COL21A1: variants seen among roughly 807,000 people sequenced by gnomAD.
COL21A1 encodes collagen type XXI alpha 1 chain, also known as collagen alpha-1(XXI) chain.
Under a neutral mutation model 137.9 loss-of-function variants are expected in COL21A1, and 149 were observed. The observed-to-expected ratio is 1.08, with a 90% CI of 0.95 to 1.24. The LOEUF is 1.24. Ranked by LOEUF, COL21A1 falls within the 50% of genes most tolerant of loss-of-function variation. The probability of loss-of-function intolerance (pLI) is 0.00; values close to 1 mark genes in which losing one functional copy is unlikely to be tolerated. For missense variants in COL21A1, 1,167 were observed against 1,158.4 expected (o/e 1.01, Z -0.11); for synonymous variants, 456 against 391.5 (o/e 1.16, Z -1.95).
intron 1 of COL21A1, among the ~76,000 whole-genome samples, chr6:56,342,954 T>C (rs1169789011): frequency 1.3e-5 from 2 of 152,224 alleles, no homozygotes; most frequent in Non-Finnish European, 2.9e-5. Context: ...TCCTGTTACT[T>C]GGTACTGTGG....
intron 17 of COL21A1, among the ~76,000 whole-genome samples, chr6:56,097,850 T>A (rs1336567838): frequency 1.0e-5 from 1 of 98,422 alleles, no homozygotes; most frequent in Non-Finnish European, 1.9e-5. Flanking sequence ...TATATAAATA[T>A]ATATAAATAT....
intron 16 of COL21A1, among the ~76,000 whole-genome samples, chr6:56,111,023 T>G (rs1174619626): frequency 6.6e-6 from 1 of 151,954 alleles, no homozygotes. Context: ...GATGAAAAAG[T>G]AGTAAGAAAG....
intron 1 of COL21A1, among the ~76,000 whole-genome samples, chr6:56,387,084 T>A (rs1362956838): frequency 6.6e-6 from 1 of 152,220 alleles, no homozygotes; most frequent in Admixed American, 6.5e-5. Flanking sequence ...TCCTTAAAAC[T>A]GATGTTGCAT....
In COL21A1 at chr6:56,260,625, GAGGAAGGA is replaced by G. The variant is rs201224962; in HGVS notation, c.-38-77977_-38-77970del. The stretch of plus-strand genomic sequence containing the variant: ...GAAGAAGAAGAAAGAAAGAGAGAGA[GAGGAAGGA>G]AGGAAGGAAGGAAGGAAGGAAGGAA... On this transcript the variant is annotated intron_variant, in intron 1 of 28. Coordinates refer to the COL21A1 transcript ENST00000370819. 4.6e-3 allele frequency among the ~76,000 whole-genome samples: 368 copies of G among 79,912 alleles called. 1 individual carries two copies. The highest frequency in any genetic ancestry group is 7.2e-3 in the Non-Finnish European group (274 of 37,994). The allele number at this position is 79,912 out of a possible 152,430, so 52.4% of individuals were successfully genotyped here. A position where few individuals can be genotyped will look rare whatever the true frequency, so the allele number is the denominator to read the frequency against.
intron 13 of COL21A1, among the ~76,000 whole-genome samples, 169 bp downstream of exon 13, chr6:56,125,914 TGGAAACTTTAAAG>T (rs1369428090): frequency 2.6e-5 from 4 of 152,032 alleles, no homozygotes; most frequent in African/African-American, 9.7e-5. Flanking sequence ...TATTTATAAC[TGGAAACTTTAAAG>T]GGAATTTTGT....
Position 56,126,192 on chromosome 6 carries a change from A to G in COL21A1, c.1543-43T>C, listed in dbSNP as rs1020783557. The G allele has an allele frequency of 3.1e-6, 4 of 1,280,670 alleles. No homozygotes were observed. In the South Asian group the frequency reaches 5.2e-5, roughly 17 times the overall value. 79.3% of individuals were successfully genotyped at this position (1,280,670 alleles called of 1,614,324 possible). On this transcript the variant is annotated intron_variant, in intron 12 of 29. Transcript: ENST00000244728. The stretch of plus-strand genomic sequence containing the variant: ...ATTAATTACAAAGAAAAACCATTCC[A>G]GCCTAAACAATATCATCATCTATTC...
At chr6:56,366,763 G>A (rs1026606193) in intron 1 of COL21A1, among the ~76,000 whole-genome samples, 1 of 152,262 alleles carries the variant, frequency 6.6e-6, no homozygotes, top group East Asian at 1.9e-4. Context: ...ACACTTCCAC[G>A]AGTGGAAAAC....
In COL21A1 at chr6:56,177,784, T is replaced by A. The variant is rs556505347; in HGVS notation, c.640+1794A>T. On this transcript the variant is annotated intron_variant, in intron 3 of 29. Coordinates refer to ENST00000244728, the MANE Select transcript of COL21A1 (RefSeq NM_030820.4). ...TCCAGCCTGGGTGACAGAGCGAGAC[T>A]CTGCCTCAAAAAAAAAAAAAAAAAA... is the stretch of plus-strand genomic sequence containing the variant. Among the ~76,000 whole-genome samples the A allele has an allele frequency of 1.7e-3, 196 of 114,836 alleles. 2 individuals carry two copies. Among genetic ancestry groups the A allele is most frequent in the African/African-American group, 7.0e-3 (189 of 27,116 alleles). 75.3% of individuals were successfully genotyped at this position (114,836 alleles called of 152,430 possible). A position where few individuals can be genotyped will look rare whatever the true frequency, so the allele number is the denominator to read the frequency against.
intron 1 of COL21A1, among the ~76,000 whole-genome samples, chr6:56,373,311 A>G (rs1369929345): frequency 6.6e-6 from 1 of 152,236 alleles, no homozygotes. Context: ...TTTTATTTAA[A>G]AATGTTTAGG....
Position 56,096,366 on chromosome 6 carries a change from T to C in COL21A1, c.1812+5106A>G, listed in dbSNP as rs532200653. The stretch of plus-strand genomic sequence containing the variant: ...AATTAGTACAATGTCTGGCACAAAG[T>C]AGACACTCAGTAAATACTGCTGAAT... On this transcript the variant is annotated intron_variant, in intron 17 of 29. Coordinates refer to ENST00000244728, the MANE Select transcript of COL21A1 (RefSeq NM_030820.4). 3.9e-5 allele frequency among the ~76,000 whole-genome samples: 6 copies of C among 152,304 alleles called. No homozygotes were observed. The South Asian group carries it at 1.0e-3, about 26-fold the overall frequency.
intron 1 of COL21A1, among the ~76,000 whole-genome samples, chr6:56,297,113 A>G (rs1429108548): frequency 6.6e-6 from 1 of 152,026 alleles, no homozygotes; most frequent in Non-Finnish European, 1.5e-5. Flanking sequence ...ACTGAGCCCA[A>G]ACATTTTTTA....
intron 9 of COL21A1, among the ~76,000 whole-genome samples, chr6:56,163,680 G>C (rs971402599): frequency 4.7e-5 from 7 of 148,644 alleles, no homozygotes; most frequent in African/African-American, 1.8e-4. Context: ...CTGCACTCCA[G>C]CTGGCGATAG....
At chr6:56,166,883 A>C (rs1376833699) in intron 7 of COL21A1, 23 bp downstream of exon 7, 1 of 1,591,252 alleles carries the variant, frequency 6.3e-7, no homozygotes, top group Admixed American at 1.7e-5. Flanking sequence ...ACATCTGGGA[A>C]AAAAACAATC....
At chr6:56,079,297 A>G (rs911486660) in intron 17 of COL21A1, among the ~76,000 whole-genome samples, 9 of 151,740 alleles carry the variant, frequency 5.9e-5, no homozygotes, top group African/African-American at 2.2e-4. Context: ...CAGAGTCCCT[A>G]ACGGGCACAT....
chr6:56,219,281 A>G (rs1394008751), intron 1 of COL21A1, among the ~76,000 whole-genome samples: 1 of 148,506 alleles, frequency 6.7e-6, no homozygotes, highest in Non-Finnish European at 1.5e-5. Flanking sequence ...GGTCTAATCC[A>G]CTACACCACT....
intron 22 of COL21A1, 88 bp downstream of exon 22, chr6:56,068,958 C>A: frequency 1.3e-6 from 1 of 788,206 alleles, no homozygotes; most frequent in African/African-American, 1.8e-5. Flanking sequence ...ATATTAATAA[C>A]AAGTCCTACT....
chr6:56,301,490 T>G (rs1001212526), intron 1 of COL21A1, among the ~76,000 whole-genome samples: 1 of 152,116 alleles, frequency 6.6e-6, no homozygotes, highest in Non-Finnish European at 1.5e-5. Context: ...GATGATAAAT[T>G]TCTGTTCTTT....
At position 56,168,300 on chromosome 6, in the gene COL21A1, A is replaced by G. The variant is rs746345150; in HGVS notation, c.1027-3T>C. 2.6e-6 allele frequency: 4 copies of G among 1,524,878 alleles called. No homozygotes were observed. The highest frequency in any genetic ancestry group is 3.5e-6 in the Non-Finnish European group (4 of 1,129,204). The allele number at this position is 1,524,878 out of a possible 1,614,324, so 94.5% of individuals were successfully genotyped here. ...TGCCAGCCTTCATCAAACAACGTCT[A>G]CAAAAAGAAAGTGTGGAAGATTCAT... On this transcript the variant is annotated splice_region_variant and splice_polypyrimidine_tract_variant and intron_variant, in intron 5 of 29. Transcript: ENST00000244728.
intron 10 of COL21A1, among the ~76,000 whole-genome samples, chr6:56,155,994 T>C (rs1692475422): frequency 6.6e-6 from 1 of 152,260 alleles, no homozygotes; most frequent in Non-Finnish European, 1.5e-5. Context: ...TTGATTTATG[T>C]TCCCTTTACA....
Sources: allele counts gnomAD v4.1 joint callset (sites outside exome capture counted in the v4.1 genomes callset), GRCh38; gene constraint gnomAD v4.1.1; transcripts MANE v1.5; gene names NCBI Gene and HGNC (gene_info 2026-07-23, HGNC 2026-07-21).